The following MYLK variants were observed in gnomAD, a reference collection of about 807,000 sequenced individuals.
MYLK encodes the protein myosin light chain kinase, smooth muscle.
A neutral mutation model predicts 203.4 loss-of-function variants in MYLK; 106 were observed. That is an observed-to-expected ratio of 0.52 (90% CI 0.45 to 0.61). The LOEUF (loss-of-function observed/expected upper bound fraction) is 0.61, where lower values mean the gene tolerates loss of function less well. Among genes scored for constraint, MYLK ranks in the 20% least tolerant of loss-of-function variants. The pLI, the probability that MYLK is intolerant of heterozygous loss-of-function variation, is 0.00. For synonymous variants in MYLK, 867 were observed against 959.5 expected, an observed-to-expected ratio of 0.90 and a Z score of 1.78; for missense variants, 2,072 against 2,442.3, an observed-to-expected ratio of 0.85 and a Z score of 3.20.
chr3:123,701,447 G>A lies in MYLK; in HGVS notation c.2453C>T (p.Ala818Val), dbSNP rs772504905. The A allele has an allele frequency of 1.2e-5, 20 of 1,614,072 alleles. No individual in the cohort carries two copies. Among genetic ancestry groups the A allele is most frequent in the Non-Finnish European group, 1.7e-5 (20 of 1,180,008 alleles). The part of the protein sequence containing the change: ...SLMLQNSSAR[A>V]LPRGREPASC... ...TCCTGGGGGCACTCACCGTGGAAGG[G>A]CTCTGGCAGAGCTGTTCTGTAGCAT... The change falls in exon 17 of 34, where the codon GCC becomes GTC. Residue 818 changes from alanine to valine, a missense_variant. By Grantham distance (64) the Ala-to-Val change is moderately conservative. Coordinates refer to ENST00000360304, the MANE Select transcript of MYLK (RefSeq NM_053025.4).
intron 2 of MYLK, among the ~76,000 whole-genome samples, chr3:123,875,452 A>G (rs2033090849): frequency 6.6e-6 from 1 of 152,172 alleles, no homozygotes; most frequent in South Asian, 2.1e-4. Context: ...GTAACTGCCA[A>G]GGTCTGCATG....
chr3:123,797,104 T>C lies in MYLK; in HGVS notation c.-3-3260A>G, dbSNP rs377512340. 3.5e-4 allele frequency among the ~76,000 whole-genome samples: 54 copies of C among 152,286 alleles called. No individual in the cohort carries two copies. In the East Asian group the frequency reaches 3.7e-3, roughly 10 times the overall value. ...GAAAATAATGATAAGAATTTGATGA[T>C]ATAGAAATTTTAAATTTAAAAAATT... On this transcript the variant is annotated intron_variant, in intron 3 of 33. Coordinates refer to ENST00000360304, the MANE Select transcript of MYLK (RefSeq NM_053025.4).
In MYLK at chr3:123,701,525, G is replaced by A. The variant is rs780727874; in HGVS notation, c.2391-16C>T. ...AACCCGGTTCCTGAAGAATTCCAAA[G>A]ATCAATAAAGATCAAGAGGCCCTCT... is the stretch of plus-strand genomic sequence containing the variant. On this transcript the variant is annotated splice_polypyrimidine_tract_variant and intron_variant, in intron 16 of 33. Transcript: ENST00000360304. The A allele has an allele frequency of 4.5e-5, 72 of 1,612,670 alleles. No individual in the cohort carries two copies. The highest frequency in any genetic ancestry group is 1.9e-4 in the Middle Eastern group (1 of 5,370).
chr3:123,875,727 A>C (rs978739880), intron 2 of MYLK, among the ~76,000 whole-genome samples: 1 of 152,174 alleles, frequency 6.6e-6, no homozygotes, highest in South Asian at 2.1e-4. Flanking sequence ...TTGAAAAGAA[A>C]AGTTATTGTG....
intron 2 of MYLK, among the ~76,000 whole-genome samples, chr3:123,842,752 C>T (rs1407795900): frequency 6.6e-6 from 1 of 152,212 alleles, no homozygotes; most frequent in Non-Finnish European, 1.5e-5. Flanking sequence ...ATTTATGCAA[C>T]ACATTTGTAT....
chr3:123,715,319 A>AC (rs1268195567), intron 13 of MYLK, among the ~76,000 whole-genome samples: 2 of 152,214 alleles, frequency 1.3e-5, no homozygotes, highest in Admixed American at 6.5e-5. Context: ...GCTGCTGATC[A>AC]CCTGGACTAC....
chr3:123,762,499 T>C (rs921269701), intron 4 of MYLK, among the ~76,000 whole-genome samples: 3 of 152,140 alleles, frequency 2.0e-5, no homozygotes, highest in Non-Finnish European at 4.4e-5. Context: ...CCAAAGTTGC[T>C]GGGATTACAG....
At chr3:123,713,150 G>A (rs1449413594) in intron 13 of MYLK, among the ~76,000 whole-genome samples, 1 of 152,172 alleles carries the variant, frequency 6.6e-6, no homozygotes, top group Non-Finnish European at 1.5e-5. Flanking sequence ...TTAGTTCGGT[G>A]TCACTCATTG....
At chr3:123,651,026 T>G (rs918405978) in intron 24 of MYLK, among the ~76,000 whole-genome samples, 1 of 152,194 alleles carries the variant, frequency 6.6e-6, no homozygotes, top group Non-Finnish European at 1.5e-5. Flanking sequence ...GAGCTCTGGC[T>G]GTCGGCAGTC....
chr3:123,692,467 T>G, intron 19 of MYLK: 1 of 1,175,040 alleles, frequency 8.5e-7, no homozygotes, highest in Non-Finnish European at 1.1e-6. Flanking sequence ...CTCAGAAGGT[T>G]CTGGGTGTGG....
At chr3:123,639,370 A>T (rs893129912) in intron 28 of MYLK, among the ~76,000 whole-genome samples, 4 of 152,202 alleles carry the variant, frequency 2.6e-5, no homozygotes, top group Non-Finnish European at 5.9e-5. Context: ...AGCCTCAGCC[A>T]GCACTGAACA....
At chr3:123,865,584 A>G (rs1419848126) in intron 2 of MYLK, among the ~76,000 whole-genome samples, 1 of 152,208 alleles carries the variant, frequency 6.6e-6, no homozygotes, top group Non-Finnish European at 1.5e-5. Context: ...AAAAACAAAC[A>G]TGGCAGACTC....
intron 3 of MYLK, among the ~76,000 whole-genome samples, chr3:123,805,683 G>A (rs749962983): frequency 1.3e-5 from 2 of 152,198 alleles, no homozygotes; most frequent in Non-Finnish European, 2.9e-5. Flanking sequence ...GAGGACTTGG[G>A]TGGAGCCATC....
chr3:123,860,261 C>T (rs1268234948), intron 2 of MYLK, among the ~76,000 whole-genome samples: 1 of 152,164 alleles, frequency 6.6e-6, no homozygotes, highest in Non-Finnish European at 1.5e-5. Flanking sequence ...TGCTGAGCAA[C>T]CAGCATCACT....
In MYLK at chr3:123,637,505, C is replaced by T. The variant is rs968345167; in HGVS notation, c.4961+566G>A. Among the ~76,000 whole-genome samples the T allele has an allele frequency of 9.9e-5, 15 of 152,208 alleles. 1 individual carries two copies. Among genetic ancestry groups the T allele is most frequent in the Non-Finnish European group, 2.9e-5 (2 of 68,044 alleles). On this transcript the variant is annotated intron_variant, in intron 29 of 33. Coordinates refer to ENST00000360304, the MANE Select transcript of MYLK (RefSeq NM_053025.4). ...CATTGAAATGGCTTTGGATTTCCCA[C>T]CTGATTTTTCAGTTCTAATTACTGT...
chr3:123,694,891 C>T (rs1357439767), intron 18 of MYLK, among the ~76,000 whole-genome samples: 3 of 152,206 alleles, frequency 2.0e-5, no homozygotes, highest in Non-Finnish European at 4.4e-5. Flanking sequence ...TCATTCTTGA[C>T]CTCTAGAAGA....
intron 13 of MYLK, among the ~76,000 whole-genome samples, 190 bp from the exon 14 acceptor site, chr3:123,710,083 G>A (rs2061631677): frequency 6.6e-6 from 1 of 152,126 alleles, no homozygotes; most frequent in Non-Finnish European, 1.5e-5. Flanking sequence ...TCTCTGCTTG[G>A]CAATGACGAT....
At position 123,718,958 on chromosome 3, in the gene MYLK, C is replaced by T. The variant is rs538490652; in HGVS notation, c.1804+3170G>A. Among the ~76,000 whole-genome samples, 6 of 152,240 alleles carry T rather than the reference C, an allele frequency of 3.9e-5. No homozygotes were observed. In the East Asian group the frequency reaches 7.7e-4, roughly 20 times the overall value. On this transcript the variant is annotated intron_variant, in intron 13 of 33. Transcript: ENST00000360304. ...AAGTAAGTGTAATACTAGAAGCACA[C>T]GGTGTTCAGGGAACGCATTCTGGGG...
intron 13 of MYLK, among the ~76,000 whole-genome samples, chr3:123,716,764 G>GT (rs1314337156): frequency 2.0e-5 from 3 of 152,164 alleles, no homozygotes. Context: ...GGGTCTCTAT[G>GT]TAATTATGAC....
Sources: allele counts gnomAD v4.1 joint callset (sites outside exome capture counted in the v4.1 genomes callset), GRCh38; gene constraint gnomAD v4.1.1; transcripts MANE v1.5; gene names NCBI Gene and HGNC (gene_info 2026-07-23, HGNC 2026-07-21).